Variants in PIK3R1 observed in about 807,000 individuals in gnomAD.
PIK3R1 encodes the protein phosphoinositide-3-kinase regulatory subunit 1, also known as phosphatidylinositol 3-kinase regulatory subunit alpha.
Under a neutral mutation model 98.0 loss-of-function variants are expected in PIK3R1, and 29 were observed. That is an observed-to-expected ratio of 0.30 (90% CI 0.22 to 0.40). The LOEUF is 0.40. Ranked by LOEUF, PIK3R1 falls within the 10% of genes least tolerant of loss-of-function variation. PIK3R1 has a pLI of 1.00. For synonymous variants in PIK3R1, 282 were observed against 311.8 expected (o/e 0.90, Z 1.01); for missense variants, 596 against 872.7 (o/e 0.68, Z 3.99).
intron 2 of PIK3R1, among the ~76,000 whole-genome samples, chr5:68,263,798 A>G (rs1746006218): frequency 1.3e-5 from 2 of 152,140 alleles, no homozygotes; most frequent in African/African-American, 2.4e-5. Context: ...CAATGTTTTC[A>G]GGCCTCTTGC....
chr5:68,235,775 C>T (rs1425182920), intron 2 of PIK3R1, among the ~76,000 whole-genome samples: 2 of 152,198 alleles, frequency 1.3e-5, no homozygotes, highest in East Asian at 3.8e-4. Flanking sequence ...TTTTGTCTTA[C>T]ACTTCCCTGT....
At chr5:68,276,941 C>G (rs1322698630) in intron 4 of PIK3R1, among the ~76,000 whole-genome samples, 1 of 152,112 alleles carries the variant, frequency 6.6e-6, no homozygotes, top group Non-Finnish European at 1.5e-5. Context: ...TGACGTACCT[C>G]GGTCTAGTAG....
At chr5:68,286,252 A>G (rs1561292370) in intron 7 of PIK3R1, among the ~76,000 whole-genome samples, 1 of 152,218 alleles carries the variant, frequency 6.6e-6, no homozygotes, top group Non-Finnish European at 1.5e-5. Flanking sequence ...TCCAGAAGGT[A>G]AAGTTAGTTT....
chr5:68,295,539 A>G (rs778706428), intron 14 of PIK3R1, 51 bp downstream of exon 14: 2 of 1,447,062 alleles, frequency 1.4e-6, no homozygotes, highest in East Asian at 4.5e-5. Flanking sequence ...TCATTTTAGG[A>G]AAATGCATGA....
intron 4 of PIK3R1, among the ~76,000 whole-genome samples, chr5:68,274,824 T>A (rs1290278859): frequency 6.6e-6 from 1 of 152,230 alleles, no homozygotes. Context: ...AGTCATCTTC[T>A]TATAAATCTT....
rs1162258720 is a variant in PIK3R1, at chr5:68,301,523, AAAAC to A, written c.*3926_*3929del. 2 of 150,560 alleles carry A rather than the reference AAAAC, an allele frequency of 1.3e-5. No individual in the cohort carries two copies. The highest frequency in any genetic ancestry group is 5.1e-5 in the African/African-American group (2 of 39,180). The allele number at this position is 150,560 out of a possible 1,614,324, so 9.3% of individuals were successfully genotyped here. Reference sequence around the variant, plus strand: ...ATATATATATGTATTTAAAAAAATCAAAACAAAAAAAAACTCATTTATACCTGTG... The same window carrying A: ...ATATATATATGTATTTAAAAAAATCAAAAAAAAAACTCATTTATACCTGTG... On this transcript the variant is annotated 3_prime_UTR_variant, in exon 16 of 16. Transcript: ENST00000521381.
chr5:68,225,033 G>A (rs933133035), intron 1 of PIK3R1, among the ~76,000 whole-genome samples: 1 of 152,258 alleles, frequency 6.6e-6, no homozygotes, highest in Non-Finnish European at 1.5e-5. Context: ...GAATCTGCGT[G>A]ATGATTCCAT....
intron 2 of PIK3R1, among the ~76,000 whole-genome samples, chr5:68,228,474 G>T (rs1220646054): frequency 6.6e-6 from 1 of 152,066 alleles, no homozygotes; most frequent in Non-Finnish European, 1.5e-5. Flanking sequence ...AAAAGCCAAA[G>T]TTAATTTTTC....
rs1308845236 is a variant in PIK3R1, at chr5:68,262,624, T to C, written c.335-10766T>C. Reference sequence around the variant, plus strand: ...GTATACACATGTATACACATGTAGATGCATGTATACACATGTATACACATG... The same window carrying C: ...GTATACACATGTATACACATGTAGACGCATGTATACACATGTATACACATG... On this transcript the variant is annotated intron_variant, in intron 2 of 15. Transcript: ENST00000521381. Among the ~76,000 whole-genome samples the C allele has an allele frequency of 8.2e-4, 116 of 141,970 alleles. 1 individual carries two copies. Among genetic ancestry groups the C allele is most frequent in the Non-Finnish European group, 1.3e-3 (86 of 65,030 alleles). The allele number at this position is 141,970 out of a possible 152,430, so 93.1% of individuals were successfully genotyped here.
intron 7 of PIK3R1, chr5:68,291,349 A>G (rs146692236): frequency 1.8e-4 from 28 of 152,356 alleles, no homozygotes; most frequent in African/African-American, 6.3e-4. Context: ...ACTTTCCATT[A>G]TTGTTAGTCT....
chr5:68,295,246 A>G lies in PIK3R1; in HGVS notation c.1667A>G (p.Tyr556Cys), dbSNP rs1208945913. The G allele has an allele frequency of 6.2e-7, 1 of 1,614,172 alleles. No homozygotes were observed. Among genetic ancestry groups the G allele is most frequent in the South Asian group, 1.1e-5 (1 of 91,084 alleles). Residue 556 changes from tyrosine (Y) to cysteine (C), a missense_variant, in exon 13 of 16, where the codon TAT becomes TGT. By Grantham distance (194) the Tyr-to-Cys change is radical (BLOSUM62 -2). Coordinates refer to ENST00000521381, the MANE Select transcript of PIK3R1 (RefSeq NM_181523.3). ...EEDLKKQAAE[Y>C]REIDKRMNSI... ...GACTTGAAGAAGCAGGCAGCTGAGT[A>G]TCGAGAAATTGACAAACGTATGAAC...
chr5:68,236,361 T>G (rs932018249), intron 2 of PIK3R1, among the ~76,000 whole-genome samples: 1 of 151,470 alleles, frequency 6.6e-6, no homozygotes, highest in Non-Finnish European at 1.5e-5. Context: ...GCCATTCTCC[T>G]GTCTCAGCCT....
chr5:68,223,024 CTATA>C (rs1290443945), intron 1 of PIK3R1, among the ~76,000 whole-genome samples: 2 of 150,888 alleles, frequency 1.3e-5, no homozygotes, highest in East Asian at 1.9e-4. Context: ...ACATATATGA[CTATA>C]TATATGACTA....
Position 68,297,446 on chromosome 5 carries a change from A to C in PIK3R1, c.2020A>C (p.Lys674Gln), listed in dbSNP as rs1747785846. The C allele has an allele frequency of 1.2e-6, 2 of 1,614,054 alleles. No individual in the cohort carries two copies. Among genetic ancestry groups the C allele is most frequent in the African/African-American group, 1.3e-5 (1 of 74,952 alleles). Reference sequence around the variant, plus strand: ...CGAAGTAAAGCATTGTGTCATAAACAAAACAGCAACTGGCTATGGCTTTGC... The same window carrying C: ...CGAAGTAAAGCATTGTGTCATAAACCAAACAGCAACTGGCTATGGCTTTGC... ...DGEVKHCVIN[K>Q]TATGYGFAEP... Residue 674 changes from lysine to glutamine, a missense_variant, in exon 16 of 16, where the codon AAA becomes CAA. Around this residue, in one of 3 missense-constraint regions of PIK3R1, gnomAD observed 207 missense variants for 361.4 expected, o/e 0.57. Coordinates refer to ENST00000521381, the MANE Select transcript of PIK3R1 (RefSeq NM_181523.3).
chr5:68,272,196 C>T (rs903825730), intron 2 of PIK3R1, among the ~76,000 whole-genome samples: 5 of 147,716 alleles, frequency 3.4e-5, no homozygotes, highest in Non-Finnish European at 7.4e-5. Context: ...GAGGCTGCAG[C>T]GAGCCATGAT....
chr5:68,226,622 C>A lies in PIK3R1; in HGVS notation c.-54C>A. 1 of 1,405,042 alleles carries A rather than the reference C, an allele frequency of 7.1e-7. No individual in the cohort carries two copies. Among genetic ancestry groups the A allele is most frequent in the South Asian group, 1.2e-5 (1 of 81,652 alleles). 87.0% of individuals were successfully genotyped at this position (1,405,042 alleles called of 1,614,324 possible). On this transcript the variant is annotated 5_prime_UTR_variant, in exon 2 of 16. Coordinates refer to ENST00000521381, the MANE Select transcript of PIK3R1 (RefSeq NM_181523.3). ...TTCACTTTTCATAAAAACGTAAAAT[C>A]AGACTGCTCTGTACAACCAGGCTCA...
At chr5:68,290,525 A>G in intron 7 of PIK3R1, 1 of 529,240 alleles carries the variant, frequency 1.9e-6, no homozygotes, top group Non-Finnish European at 3.1e-6. Context: ...TGAGGTTGGC[A>G]TTATGTTAAG....
chr5:68,267,113 C>T (rs1373890024), intron 2 of PIK3R1, among the ~76,000 whole-genome samples: 1 of 152,200 alleles, frequency 6.6e-6, no homozygotes, highest in African/African-American at 2.4e-5. Context: ...TCCCTTTCTT[C>T]CCCATTTACA....
chr5:68,295,751 C>G, intron 14 of PIK3R1: 1 of 508,096 alleles, frequency 2.0e-6, no homozygotes, highest in Admixed American at 3.4e-5. Flanking sequence ...TGAAAAATCC[C>G]AAAATATTTT....
Sources: gnomAD v4.1 joint callset for allele counts (sites outside exome capture counted in the v4.1 genomes callset) on GRCh38, gnomAD v4.1.1 for gene constraint, gnomAD v4.1.1 regional missense constraint, MANE v1.5 for transcripts, NCBI Gene and HGNC (gene_info 2026-07-23, HGNC 2026-07-21) for gene names.